The following ERN1 variants were observed in gnomAD, a reference collection of about 807,000 sequenced individuals.
ERN1 encodes serine/threonine-protein kinase/endoribonuclease IRE1.
Under a neutral mutation model 113.1 loss-of-function variants are expected in ERN1, and 39 were observed. That is an observed-to-expected ratio of 0.34 (90% CI 0.27 to 0.45). The LOEUF is 0.45. Ranked by LOEUF, ERN1 falls within the 20% of genes least tolerant of loss-of-function variation. The pLI is 1.00. For synonymous variants in ERN1, 507 were observed against 515.9 expected (o/e 0.98, Z 0.23); for missense variants, 976 against 1,274.8 (o/e 0.77, Z 3.57).
rs750671350 is a variant in ERN1 at position 64,044,902 on chromosome 17, T to C, written c.2679A>G (p.Lys893=). 4.4e-6 allele frequency: 7 copies of C among 1,593,802 alleles called. No homozygotes were observed. The highest frequency in any genetic ancestry group is 1.3e-5 in the African/African-American group (1 of 74,630). ...GGAGGAGATCTCTGACAGAACCACC[T>C]TTATAGGTCCTGAATTTACGCAGGT... The part of the protein sequence containing the change: ...QTDLRKFRTY[K]GGSVRDLLRA... The change falls in exon 21 of 22, where the codon AAA becomes AAG. Residue 893 remains lysine (K), a synonymous_variant. Coordinates refer to ENST00000433197, the MANE Select transcript of ERN1 (RefSeq NM_001433.5). The surrounding 1 kb of genome is among the most constrained non-coding windows in gnomAD (Gnocchi z 4.1).
At chr17:64,068,928 C>T (rs1349368902) in intron 6 of ERN1, among the ~76,000 whole-genome samples, 1 of 152,166 alleles carries the variant, frequency 6.6e-6, no homozygotes, top group Non-Finnish European at 1.5e-5. Flanking sequence ...TTTCTCTTAG[C>T]TGTCTATGAT....
chr17:64,093,664 T>A (rs1418109914), intron 2 of ERN1, among the ~76,000 whole-genome samples: 2 of 152,118 alleles, frequency 1.3e-5, no homozygotes, highest in African/African-American at 4.8e-5. Flanking sequence ...CACTCATCCA[T>A]CCTAAGGGCC....
At chr17:64,079,812 A>C in intron 3 of ERN1, 78 bp from the exon 4 acceptor site, 2 of 1,109,396 alleles carry the variant, frequency 1.8e-6, no homozygotes, top group African/African-American at 1.6e-5. Flanking sequence ...ACGCAAACCC[A>C]TGATGGAGGA....
At chr17:64,059,014 G>A (rs547945366) in intron 11 of ERN1, among the ~76,000 whole-genome samples, 150 of 152,296 alleles carry the variant, frequency 9.8e-4, no homozygotes, top group African/African-American at 3.5e-3. Flanking sequence ...TTCAAAGACC[G>A]TTATCCAAGA....
chr17:64,108,205 TA>T lies in ERN1; in HGVS notation c.55-9965del, dbSNP rs373266754. On this transcript the variant is annotated intron_variant, in intron 1 of 21. Coordinates refer to ENST00000433197, the MANE Select transcript of ERN1 (RefSeq NM_001433.5). ...ACTGTCCTCCTTTAATAGATCTGAT[TA>T]AAAAAAAAAAAAAGTACCTCATAAA... Among the ~76,000 whole-genome samples, 1,314 of 140,886 alleles carry T rather than the reference TA, an allele frequency of 9.3e-3. 5 individuals carry two copies. Among genetic ancestry groups the T allele is most frequent in the African/African-American group, 0.021 (829 of 39,416 alleles). 92.4% of individuals were successfully genotyped at this position (140,886 alleles called of 152,430 possible). A position where few individuals can be genotyped will look rare whatever the true frequency, so the allele number is the denominator to read the frequency against.
intron 1 of ERN1, among the ~76,000 whole-genome samples, chr17:64,101,744 C>T (rs1914390208): frequency 1.3e-5 from 2 of 152,122 alleles, no homozygotes; most frequent in Non-Finnish European, 2.9e-5. Flanking sequence ...ATGTATGCAT[C>T]CAAGAATAAG....
Position 64,088,866 on chromosome 17 carries a change from G to A in ERN1, c.176-8058C>T, listed in dbSNP as rs538778106. The stretch of plus-strand genomic sequence containing the variant: ...AGTGAAAAAATGTCACTGTGTTCAC[G>A]GGACAGAGGACGCAGGCTCAGTAAG... On this transcript the variant is annotated intron_variant, in intron 2 of 21. Transcript: ENST00000433197. Among the ~76,000 whole-genome samples the A allele has an allele frequency of 2.0e-5, 3 of 152,288 alleles. No homozygotes were observed. The South Asian group carries it at 6.2e-4, about 32-fold the overall frequency.
At chr17:64,077,628 C>T (rs973259055) in intron 4 of ERN1, among the ~76,000 whole-genome samples, 1 of 152,118 alleles carries the variant, frequency 6.6e-6, no homozygotes, top group Non-Finnish European at 1.5e-5. Context: ...CCGTGCATGC[C>T]GCTTCCAGAG....
At chr17:64,060,442 C>T (rs990964823) in intron 11 of ERN1, 27 bp downstream of exon 11, 9 of 1,468,230 alleles carry the variant, frequency 6.1e-6, no homozygotes, top group Non-Finnish European at 8.6e-6. Flanking sequence ...ACACCAACAA[C>T]CCCCGACTGG....
intron 2 of ERN1, 52 bp downstream of exon 2, chr17:64,098,069 T>C: frequency 6.2e-7 from 1 of 1,604,814 alleles, no homozygotes; most frequent in Non-Finnish European, 8.5e-7. Flanking sequence ...TATGTTTCTG[T>C]GGAACCAGTT....
At position 64,052,804 on chromosome 17, in the gene ERN1, C is replaced by G. The variant is rs1450262225; in HGVS notation, c.2229G>C (p.Leu743=). The G allele has an allele frequency of 2.5e-6, 4 of 1,613,992 alleles. No individual in the cohort carries two copies. The part of the protein sequence containing the change: ...GTEGWIAPEM[L]SEDCKENPTY... ...CAGGGTTCTCCTTACAGTCTTCGCT[C>G]AGCATCTCTGGAGCGATCCAGCCTT... is the stretch of plus-strand genomic sequence containing the variant. Residue 743 remains leucine, a synonymous_variant, in exon 17 of 22, where the codon CTG becomes CTC. Transcript: ENST00000433197.
chr17:64,073,713 G>C (rs533493181), intron 5 of ERN1, among the ~76,000 whole-genome samples: 8 of 151,398 alleles, frequency 5.3e-5, no homozygotes, highest in South Asian at 4.2e-4. Flanking sequence ...GGATGGTCTC[G>C]ATCTCCTGAC....
intron 1 of ERN1, among the ~76,000 whole-genome samples, chr17:64,112,326 C>T (rs1914694368): frequency 1.3e-5 from 2 of 150,534 alleles, no homozygotes; most frequent in Admixed American, 6.6e-5. Flanking sequence ...TGAGATTGCA[C>T]CATTGCACTC....
intron 1 of ERN1, among the ~76,000 whole-genome samples, chr17:64,114,413 T>C (rs1213199081): frequency 1.3e-5 from 2 of 152,144 alleles, no homozygotes; most frequent in African/African-American, 4.8e-5. Flanking sequence ...TTAAAAATGA[T>C]GTTTGAGTTA....
intron 2 of ERN1, among the ~76,000 whole-genome samples, chr17:64,089,344 A>AAG (rs1914025177): frequency 6.7e-6 from 1 of 150,308 alleles, no homozygotes; most frequent in Non-Finnish European, 1.5e-5. Flanking sequence ...AAAAAAAAAA[A>AAG]AGAGGAACGT....
intron 20 of ERN1, 114 bp downstream of exon 20, chr17:64,045,245 G>A (rs1282003796): frequency 1.1e-5 from 14 of 1,241,854 alleles, no homozygotes; most frequent in Non-Finnish European, 1.5e-5. Context: ...TCTCAAACCT[G>A]ACAGGTGGGA....
chr17:64,045,625 C>T (rs1912489310), intron 19 of ERN1, 143 bp from the exon 20 acceptor site: 2 of 944,876 alleles, frequency 2.1e-6, no homozygotes, highest in South Asian at 3.0e-5. Context: ...CTCCCTCCCT[C>T]ATCCATGACT....
At chr17:64,073,285 C>T (rs1262970447) in intron 5 of ERN1, among the ~76,000 whole-genome samples, 1 of 150,578 alleles carries the variant, frequency 6.6e-6, no homozygotes, top group Non-Finnish European at 1.5e-5. Flanking sequence ...TCTCCTGCCT[C>T]AGCCTCCTGA....
chr17:64,124,817 T>C (rs537433861), intron 1 of ERN1, among the ~76,000 whole-genome samples: 1 of 152,346 alleles, frequency 6.6e-6, no homozygotes, highest in South Asian at 2.1e-4. Context: ...ACACATGTTA[T>C]TATACAACAT....
Sources: allele counts gnomAD v4.1 joint callset (sites outside exome capture counted in the v4.1 genomes callset), GRCh38; gene constraint gnomAD v4.1.1; non-coding constraint Gnocchi (gnomAD v3.1); transcripts MANE v1.5; gene names NCBI Gene and HGNC (gene_info 2026-07-23, HGNC 2026-07-21).